Variants in XKR8 observed in about 807,000 individuals in gnomAD.
XKR8 encodes the protein XK related 8, also known as XK-related protein 8.
Under a neutral mutation model 17.1 loss-of-function variants are expected in XKR8, and 10 were observed. That is an observed-to-expected ratio of 0.59 (90% CI 0.36 to 0.99). The LOEUF (loss-of-function observed/expected upper bound fraction) is 0.99, where lower values mean the gene tolerates loss of function less well. Among genes scored for constraint, XKR8 ranks in the 50% least tolerant of loss-of-function variants. The pLI is 0.01. For synonymous variants in XKR8, 213 were observed against 251.9 expected, an observed-to-expected ratio of 0.85 and a Z score of 1.46; for missense variants, 411 against 515.6, an observed-to-expected ratio of 0.80 and a Z score of 1.96.
intron 2 of XKR8, among the ~76,000 whole-genome samples, chr1:27,964,024 G>A (rs971424204): frequency 6.6e-6 from 1 of 152,088 alleles, no homozygotes; most frequent in African/African-American, 2.4e-5. Context: ...CTCTGTCATC[G>A]CCCGTAGTGG....
Position 27,960,229 on chromosome 1 carries a change from G to A in XKR8, c.160G>A (p.Gly54Ser). The change falls in exon 1 of 3, where the codon GGC becomes AGC. Residue 54 changes from glycine (G) to serine (S), a missense_variant. Gly to Ser is a moderately conservative substitution (Grantham distance 56, BLOSUM62 0). Transcript: ENST00000373884. The surrounding 1 kb of genome is among the most constrained non-coding windows in gnomAD (Gnocchi z 5.9). ...GGCGGCGCTGGTGCTGGCGCTGCTG[G>A]GCCTGGCCTCCGTGGCGCTGCAGCT... Reference protein sequence around the residue: ...LWAALVLALLGLASVALQLFS... With the variant: ...LWAALVLALLSLASVALQLFS... 1 of 1,527,000 alleles carries A rather than the reference G, an allele frequency of 6.5e-7. No individual in the cohort carries two copies. 94.6% of individuals were successfully genotyped at this position (1,527,000 alleles called of 1,614,324 possible).
In XKR8 at chr1:27,967,583, TC is replaced by T. The variant is rs1178243404; in HGVS notation, c.*387del. The T allele has an allele frequency of 1.2e-5, 2 of 164,114 alleles. No homozygotes were observed. Among genetic ancestry groups the T allele is most frequent in the African/African-American group, 4.8e-5 (2 of 41,730 alleles). The allele number at this position is 164,114 out of a possible 1,614,324, so 10.2% of individuals were successfully genotyped here. A position where few individuals can be genotyped will look rare whatever the true frequency, so the allele number is the denominator to read the frequency against. The stretch of plus-strand genomic sequence containing the variant: ...TATAGGTGCTGCCCCACCCCTTAGC[TC>T]CCCTATCCTGGGCTAGGAGGCCACA... On this transcript the variant is annotated 3_prime_UTR_variant, in exon 3 of 3. Coordinates refer to ENST00000373884, the MANE Select transcript of XKR8 (RefSeq NM_018053.4). The surrounding 1 kb of genome is among the most constrained non-coding windows in gnomAD (Gnocchi z 4.3).
rs115421848 is a variant in XKR8, at chr1:27,961,355, C to G, written c.293+993C>G. On this transcript the variant is annotated intron_variant, in intron 1 of 2. Transcript: ENST00000373884. Reference sequence around the variant, plus strand: ...GTGGTGTGGGTTGGGATGGGGTGGCCAGGGCCAGGATCTGCTCTTGAATCC... The same window carrying G: ...GTGGTGTGGGTTGGGATGGGGTGGCGAGGGCCAGGATCTGCTCTTGAATCC... Among the ~76,000 whole-genome samples the G allele has an allele frequency of 1.3e-3, 191 of 152,320 alleles. 1 individual carries two copies. The highest frequency in any genetic ancestry group is 4.3e-3 in the African/African-American group (180 of 41,576).
intron 1 of XKR8, 126 bp from the exon 2 acceptor site, chr1:27,963,371 G>A (rs1195869808): frequency 1.3e-5 from 15 of 1,180,130 alleles, no homozygotes; most frequent in Admixed American, 2.8e-5. Flanking sequence ...GGACATTGCC[G>A]AAGGCCCCAT....
Position 27,960,017 on chromosome 1 carries a change from T to C in XKR8, c.-53T>C. The C allele has an allele frequency of 7.4e-7, 1 of 1,352,676 alleles. No individual in the cohort carries two copies. 83.8% of individuals were successfully genotyped at this position (1,352,676 alleles called of 1,614,324 possible). ...TTCCTGCCTCGGCAACCCCGGGCCC[T>C]GAGGGCAGGCCCCAACCGCGGAGGA... On this transcript the variant is annotated 5_prime_UTR_variant, in exon 1 of 3. Coordinates refer to ENST00000373884, the MANE Select transcript of XKR8 (RefSeq NM_018053.4). The surrounding 1 kb of genome is among the most constrained non-coding windows in gnomAD (Gnocchi z 5.9).
At chr1:27,962,952 C>G (rs562243498) in intron 1 of XKR8, among the ~76,000 whole-genome samples, 1 of 152,280 alleles carries the variant, frequency 6.6e-6, no homozygotes, top group South Asian at 2.1e-4. Flanking sequence ...GAGAAGTAAA[C>G]AGGACAAGGT....
chr1:27,962,441 T>G (rs1162111895), intron 1 of XKR8, among the ~76,000 whole-genome samples: 1 of 152,086 alleles, frequency 6.6e-6, no homozygotes, highest in African/African-American at 2.4e-5. Context: ...GGCGCATGCC[T>G]GTAATCCCAG....
In XKR8 at chr1:27,960,489, G is replaced by T. The variant is rs376811656; in HGVS notation, c.293+127G>T. On this transcript the variant is annotated intron_variant, in intron 1 of 2. Coordinates refer to ENST00000373884, the MANE Select transcript of XKR8 (RefSeq NM_018053.4). The surrounding 1 kb of genome is among the most constrained non-coding windows in gnomAD (Gnocchi z 5.9). ...GGAGAGGGAACCAAGTCCTGTGGGC[G>T]CCTGGCCTACAGGTGAGCGTGCAGC... 2.0e-6 allele frequency: 2 copies of T among 982,178 alleles called. No individual in the cohort carries two copies. The highest frequency in any genetic ancestry group is 2.6e-5 in the South Asian group (1 of 38,674). 60.8% of individuals were successfully genotyped at this position (982,178 alleles called of 1,614,324 possible). A position where few individuals can be genotyped will look rare whatever the true frequency, so the allele number is the denominator to read the frequency against.
chr1:27,964,138 C>G (rs1252829224), intron 2 of XKR8: 1 of 151,204 alleles, frequency 6.6e-6, no homozygotes, highest in Admixed American at 6.7e-5. Context: ...GTGTGTATCA[C>G]CATGCTGGCT....
rs1028485799 is a variant in XKR8, at chr1:27,960,762, A to G, written c.293+400A>G. Among the ~76,000 whole-genome samples the G allele has an allele frequency of 1.3e-5, 2 of 152,202 alleles. No individual in the cohort carries two copies. The highest frequency in any genetic ancestry group is 2.9e-5 in the Non-Finnish European group (2 of 68,026). The stretch of plus-strand genomic sequence containing the variant: ...GGTGTGACGGGCAGGCCTGTTGTGA[A>G]GAGTGAGCGAAAGAATGAGAAAGTG... On this transcript the variant is annotated intron_variant, in intron 1 of 2. Transcript: ENST00000373884. This position sits in a 1 kb window ranked among gnomAD's most constrained non-coding sequence, Gnocchi z 5.9.
rs1638598335 is a variant in XKR8, at chr1:27,967,356, A to G, written c.*156A>G. 1.2e-6 allele frequency: 1 copy of G among 827,100 alleles called. No individual in the cohort carries two copies. Among genetic ancestry groups the G allele is most frequent in the Non-Finnish European group, 1.8e-6 (1 of 553,284 alleles). The allele number at this position is 827,100 out of a possible 1,614,324, so 51.2% of individuals were successfully genotyped here. ...GCCTGTGCTGGGCCGGGCACCAGGGATGGTGCTGAGTCGGGCAGAGGCCTC... is the reference window on the plus strand; with the variant it reads ...GCCTGTGCTGGGCCGGGCACCAGGGGTGGTGCTGAGTCGGGCAGAGGCCTC... On this transcript the variant is annotated 3_prime_UTR_variant, in exon 3 of 3. Transcript: ENST00000373884. This position sits in a 1 kb window ranked among gnomAD's most constrained non-coding sequence, Gnocchi z 4.3.
In XKR8 at chr1:27,963,521, G is replaced by A. The variant is rs1376392075; in HGVS notation, c.318G>A (p.Gly106=). 10 of 1,612,874 alleles carry A rather than the reference G, an allele frequency of 6.2e-6. No homozygotes were observed. The highest frequency in any genetic ancestry group is 5.0e-5 in the Admixed American group (3 of 59,910). Residue 106 remains glycine (G), a synonymous_variant, in exon 2 of 3, where the codon GGG becomes GGA. Coordinates refer to ENST00000373884, the MANE Select transcript of XKR8 (RefSeq NM_018053.4). ...LYRCVQELRQ[G]LLVWQQEEPS... Reference sequence around the variant, plus strand: ...GGTGCGTGCAGGAGCTGCGGCAGGGGCTGCTGGTGTGGCAGCAGGAGGAGC... The same window carrying A: ...GGTGCGTGCAGGAGCTGCGGCAGGGACTGCTGGTGTGGCAGCAGGAGGAGC...
In XKR8 at chr1:27,966,499, G is replaced by T. The variant is rs899258674; in HGVS notation, c.491-4G>T. 1.1e-5 allele frequency: 18 copies of T among 1,608,012 alleles called. No homozygotes were observed. Among genetic ancestry groups the T allele is most frequent in the Non-Finnish European group, 1.5e-5 (18 of 1,176,464 alleles). On this transcript the variant is annotated splice_polypyrimidine_tract_variant and splice_region_variant and intron_variant, in intron 2 of 2. Coordinates refer to ENST00000373884, the MANE Select transcript of XKR8 (RefSeq NM_018053.4). The surrounding 1 kb of genome is among the most constrained non-coding windows in gnomAD (Gnocchi z 4.3). ...GACTCACTGTTCCCTCCTACTCTTT[G>T]CAGGGGTTGGCATCTGCACATCCTT...
In XKR8 at chr1:27,960,124, G is replaced by C; in HGVS notation, c.55G>C (p.Gly19Arg). Residue 19 changes from glycine to arginine, a missense_variant, in exon 1 of 3, where the codon GGC becomes CGC. By Grantham distance (125) the Gly-to-Arg change is moderately radical. Transcript: ENST00000373884. The surrounding 1 kb of genome is among the most constrained non-coding windows in gnomAD (Gnocchi z 5.9). ...TCGGGACCTGGTCCTGGGCGTGCTG[G>C]GCACCGCCGCCTTCCTGCTCGACCT... is the stretch of plus-strand genomic sequence containing the variant. ...LLRDLVLGVL[G>R]TAAFLLDLGT... 2 of 1,518,092 alleles carry C rather than the reference G, an allele frequency of 1.3e-6. No individual in the cohort carries two copies. Among genetic ancestry groups the C allele is most frequent in the Non-Finnish European group, 1.8e-6 (2 of 1,140,036 alleles). 94.0% of individuals were successfully genotyped at this position (1,518,092 alleles called of 1,614,324 possible). A position where few individuals can be genotyped will look rare whatever the true frequency, so the allele number is the denominator to read the frequency against.
chr1:27,967,353 G>A lies in XKR8; in HGVS notation c.*153G>A. ...GACGCCTGTGCTGGGCCGGGCACCAGGGATGGTGCTGAGTCGGGCAGAGGC... is the reference window on the plus strand; with the variant it reads ...GACGCCTGTGCTGGGCCGGGCACCAAGGATGGTGCTGAGTCGGGCAGAGGC... On this transcript the variant is annotated 3_prime_UTR_variant, in exon 3 of 3. Coordinates refer to ENST00000373884, the MANE Select transcript of XKR8 (RefSeq NM_018053.4). The surrounding 1 kb of genome is among the most constrained non-coding windows in gnomAD (Gnocchi z 4.3). The A allele has an allele frequency of 1.2e-6, 1 of 848,504 alleles. No individual in the cohort carries two copies. Among genetic ancestry groups the A allele is most frequent in the Non-Finnish European group, 1.7e-6 (1 of 572,076 alleles). 52.6% of individuals were successfully genotyped at this position (848,504 alleles called of 1,614,324 possible).
At chr1:27,962,055 G>T (rs1638479156) in intron 1 of XKR8, among the ~76,000 whole-genome samples, 1 of 152,168 alleles carries the variant, frequency 6.6e-6, no homozygotes, top group Non-Finnish European at 1.5e-5. Context: ...TCCCCTGTGT[G>T]GCCGGGGCAA....
Position 27,966,830 on chromosome 1 carries a change from G to A in XKR8, c.818G>A (p.Trp273Ter), listed in dbSNP as rs1324001813. 6.2e-7 allele frequency: 1 copy of A among 1,613,926 alleles called. No homozygotes were observed. Among genetic ancestry groups the A allele is most frequent in the African/African-American group, 1.3e-5 (1 of 75,026 alleles). ...VTVATILYFS[W>*]FNVAEGRTRG... is the part of the protein sequence containing the mutation. ...GTGGCCACCATCCTCTATTTCTCCT[G>A]GTTCAACGTGGCTGAGGGCCGCACC... The change falls in exon 3 of 3, where the codon TGG (tryptophan) becomes TAG (stop). Residue 273 changes from tryptophan (W) to a stop codon, truncating the protein, a stop_gained. Transcript: ENST00000373884. LOFTEE classifies it low-confidence loss of function (END_TRUNC). This position sits in a 1 kb window ranked among gnomAD's most constrained non-coding sequence, Gnocchi z 4.3.
chr1:27,966,024 T>C lies in XKR8; in HGVS notation c.491-479T>C, dbSNP rs2148687593. On this transcript the variant is annotated intron_variant, in intron 2 of 2. Coordinates refer to ENST00000373884, the MANE Select transcript of XKR8 (RefSeq NM_018053.4). The surrounding 1 kb of genome is among the most constrained non-coding windows in gnomAD (Gnocchi z 4.3). The stretch of plus-strand genomic sequence containing the variant: ...ACAGCAGGGACATCTCTCCTGGCCC[T>C]GAGGGCAGCTTTAGCCAGAGCCTGT... 6.6e-6 allele frequency among the ~76,000 whole-genome samples: 1 copy of C among 152,290 alleles called. No individual in the cohort carries two copies. The highest frequency in any genetic ancestry group is 2.4e-5 in the African/African-American group (1 of 41,560).
intron 1 of XKR8, 53 bp from the exon 2 acceptor site, chr1:27,963,444 G>A: frequency 6.5e-7 from 1 of 1,549,310 alleles, no homozygotes; most frequent in South Asian, 1.2e-5. Context: ...GGGAGGCTGA[G>A]GAATTCACAG....
Sources: gnomAD v4.1 joint callset for allele counts (sites outside exome capture counted in the v4.1 genomes callset) on GRCh38, gnomAD v4.1.1 for gene constraint, Gnocchi (gnomAD v3.1) non-coding constraint, MANE v1.5 for transcripts, NCBI Gene and HGNC (gene_info 2026-07-23, HGNC 2026-07-21) for gene names.